Variants in HS6ST3 observed in about 807,000 individuals in gnomAD.
HS6ST3 encodes heparan sulfate 6-O-sulfotransferase 3.
Under a neutral mutation model 36.7 loss-of-function variants are expected in HS6ST3, and 12 were observed. That is an observed-to-expected ratio of 0.33 (90% CI 0.21 to 0.53). The LOEUF (loss-of-function observed/expected upper bound fraction) is 0.53, where lower values mean the gene tolerates loss of function less well. Among genes scored for constraint, HS6ST3 ranks in the 20% least tolerant of loss-of-function variants. The pLI is 0.95. For missense variants in HS6ST3, 584 were observed against 640.9 expected (o/e 0.91, Z 0.96); for synonymous variants, 240 against 257.5 (o/e 0.93, Z 0.65).
intron 1 of HS6ST3, among the ~76,000 whole-genome samples, chr13:96,827,866 T>A (rs926572442): frequency 6.6e-6 from 1 of 152,180 alleles, no homozygotes; most frequent in Non-Finnish European, 1.5e-5. Flanking sequence ...GGAAGGTCCA[T>A]GGCCAATTTT....
chr13:96,436,189 A>G (rs2055640826), intron 1 of HS6ST3, among the ~76,000 whole-genome samples: 1 of 152,180 alleles, frequency 6.6e-6, no homozygotes, highest in Non-Finnish European at 1.5e-5. Flanking sequence ...AAGTCTTTTC[A>G]CCAAATTTAT....
chr13:96,630,034 T>C (rs1368438973), intron 1 of HS6ST3, among the ~76,000 whole-genome samples: 1 of 152,220 alleles, frequency 6.6e-6, no homozygotes. Flanking sequence ...TAATTTATCC[T>C]ACTGAATTTT....
At chr13:96,189,693 G>A (rs1380194359) in intron 1 of HS6ST3, among the ~76,000 whole-genome samples, 1 of 152,170 alleles carries the variant, frequency 6.6e-6, no homozygotes, top group East Asian at 1.9e-4. Context: ...TGGATTGGCT[G>A]TGGCTTTTGC....
chr13:96,111,683 C>T (rs2053868884), intron 1 of HS6ST3, among the ~76,000 whole-genome samples: 2 of 152,138 alleles, frequency 1.3e-5, no homozygotes, highest in Admixed American at 6.5e-5. Flanking sequence ...TTCACATCCA[C>T]TCTATGAAAC....
chr13:96,621,320 G>A (rs1455356341), intron 1 of HS6ST3, among the ~76,000 whole-genome samples: 1 of 152,164 alleles, frequency 6.6e-6, no homozygotes, highest in East Asian at 1.9e-4. Context: ...TTTCTCCCAT[G>A]CTGTTCTCGT....
At chr13:96,379,358 C>T (rs2055329623) in intron 1 of HS6ST3, among the ~76,000 whole-genome samples, 1 of 152,074 alleles carries the variant, frequency 6.6e-6, no homozygotes, top group African/African-American at 2.4e-5. Context: ...TAGTGTTCTT[C>T]TAAAAGAGGA....
chr13:96,754,419 T>A (rs1320047289), intron 1 of HS6ST3, among the ~76,000 whole-genome samples: 1 of 152,238 alleles, frequency 6.6e-6, no homozygotes, highest in Non-Finnish European at 1.5e-5. Context: ...TTTACTGATA[T>A]TTTGTTTAGG....
At chr13:96,094,908 C>A (rs149856368) in intron 1 of HS6ST3, among the ~76,000 whole-genome samples, 8 of 152,210 alleles carry the variant, frequency 5.3e-5, no homozygotes, top group Non-Finnish European at 8.8e-5. Context: ...GCAGGCCATT[C>A]TTTCTCACTC....
At chr13:96,378,003 C>T (rs1203812982) in intron 1 of HS6ST3, among the ~76,000 whole-genome samples, 2 of 152,066 alleles carry the variant, frequency 1.3e-5, no homozygotes, top group African/African-American at 2.4e-5. Context: ...TGGAATTGAT[C>T]GAGTGACGTC....
At chr13:96,312,579 C>G (rs183361925) in intron 1 of HS6ST3, among the ~76,000 whole-genome samples, 1 of 152,160 alleles carries the variant, frequency 6.6e-6, no homozygotes, top group African/African-American at 2.4e-5. Flanking sequence ...ATTAATTTTT[C>G]AAGTTCTCAT....
chr13:96,416,714 G>T, intron 1 of HS6ST3, among the ~76,000 whole-genome samples: 2 of 151,114 alleles, frequency 1.3e-5, no homozygotes. Flanking sequence ...CCCTTCAAGG[G>T]CTTGCCTGCT....
intron 1 of HS6ST3, among the ~76,000 whole-genome samples, chr13:96,324,751 C>T (rs1187651679): frequency 6.6e-6 from 1 of 152,166 alleles, no homozygotes; most frequent in Non-Finnish European, 1.5e-5. Flanking sequence ...AGAACACCAT[C>T]TATAAGCCAA....
At chr13:96,124,184 CTTA>C (rs1207543781) in intron 1 of HS6ST3, among the ~76,000 whole-genome samples, 2 of 152,082 alleles carry the variant, frequency 1.3e-5, no homozygotes, top group African/African-American at 4.8e-5. Flanking sequence ...AGAACTGGGG[CTTA>C]TTACTCTCTT....
At chr13:96,381,406 CTATG>C (rs200703308) in intron 1 of HS6ST3, among the ~76,000 whole-genome samples, 1 of 130,052 alleles carries the variant, frequency 7.7e-6, no homozygotes, top group Admixed American at 8.1e-5. Context: ...ATCTATGTAT[CTATG>C]TATCTATCTA....
intron 1 of HS6ST3, among the ~76,000 whole-genome samples, chr13:96,756,707 G>A (rs575847702): frequency 3.9e-5 from 6 of 152,088 alleles, no homozygotes; most frequent in Non-Finnish European, 7.4e-5. Context: ...CCATACATTT[G>A]GTTAAGTTTA....
chr13:96,422,146 T>G (rs1334813135), intron 1 of HS6ST3, among the ~76,000 whole-genome samples: 2 of 152,196 alleles, frequency 1.3e-5, no homozygotes, highest in Non-Finnish European at 2.9e-5. Context: ...TCATGCACTC[T>G]CAGCCAGTAA....
At chr13:96,786,138 C>G (rs1332646044) in intron 1 of HS6ST3, among the ~76,000 whole-genome samples, 1 of 152,132 alleles carries the variant, frequency 6.6e-6, no homozygotes, top group South Asian at 2.1e-4. Flanking sequence ...ACACTGGACC[C>G]TTTCTTACTC....
intron 1 of HS6ST3, among the ~76,000 whole-genome samples, chr13:96,794,196 A>G (rs1877857496): frequency 6.6e-6 from 1 of 152,074 alleles, no homozygotes; most frequent in African/African-American, 2.4e-5. Flanking sequence ...ATGCTTTAAT[A>G]TCATCCTTCA....
At chr13:96,094,683 C>T (rs1198907955) in intron 1 of HS6ST3, among the ~76,000 whole-genome samples, 1 of 152,128 alleles carries the variant, frequency 6.6e-6, no homozygotes, top group Admixed American at 6.5e-5. Flanking sequence ...AAAAGAAATA[C>T]ATGGCAAACT....
Sources: gnomAD v4.1 joint callset for allele counts (sites outside exome capture counted in the v4.1 genomes callset) on GRCh38, gnomAD v4.1.1 for gene constraint, MANE v1.5 for transcripts, NCBI Gene and HGNC (gene_info 2026-07-23, HGNC 2026-07-21) for gene names.